NRCAM: variants seen among roughly 807,000 people sequenced by gnomAD.
The protein encoded by NRCAM is neuronal cell adhesion molecule.
A neutral mutation model predicts 156.5 loss-of-function variants in NRCAM; 83 were observed. That is an observed-to-expected ratio of 0.53 (90% CI 0.44 to 0.64). The LOEUF is 0.64. Ranked by LOEUF, NRCAM falls within the 30% of genes least tolerant of loss-of-function variation. NRCAM has a pLI of 0.00. For missense variants in NRCAM, 1,417 were observed against 1,597.3 expected (o/e 0.89, Z 1.92); for synonymous variants, 538 against 563.9 (o/e 0.95, Z 0.65).
chr7:108,203,943 C>T (rs1234730090), intron 13 of NRCAM, among the ~76,000 whole-genome samples: 4 of 152,178 alleles, frequency 2.6e-5, no homozygotes, highest in Non-Finnish European at 5.9e-5. Flanking sequence ...TGTGCTAATT[C>T]AGCCCTGTCA....
intron 1 of NRCAM, among the ~76,000 whole-genome samples, chr7:108,418,416 T>A (rs1297383219): frequency 6.6e-6 from 1 of 152,130 alleles, no homozygotes; most frequent in Non-Finnish European, 1.5e-5. Flanking sequence ...ACAAATGTTT[T>A]CCTGAAGAGC....
At chr7:108,185,745 A>AAC (rs1226103174) in intron 20 of NRCAM, among the ~76,000 whole-genome samples, 1 of 151,612 alleles carries the variant, frequency 6.6e-6, no homozygotes. Flanking sequence ...GAAAAAAAAA[A>AAC]AAAAAGAATA....
chr7:108,416,155 TAA>T (rs1313524142), intron 1 of NRCAM, among the ~76,000 whole-genome samples: 1 of 152,264 alleles, frequency 6.6e-6, no homozygotes, highest in Non-Finnish European at 1.5e-5. Flanking sequence ...TCAGCATGAC[TAA>T]GATATTCATC....
At chr7:108,253,147 C>T (rs1313314398) in intron 3 of NRCAM, among the ~76,000 whole-genome samples, 2 of 152,226 alleles carry the variant, frequency 1.3e-5, no homozygotes, top group African/African-American at 2.4e-5. Context: ...ATTTATTGGA[C>T]ACCCATGAAG....
intron 2 of NRCAM, among the ~76,000 whole-genome samples, chr7:108,353,184 T>G (rs893717823): frequency 6.6e-6 from 1 of 152,190 alleles, no homozygotes; most frequent in Non-Finnish European, 1.5e-5. Context: ...CTGCTTCCAG[T>G]GCTGTGTTGG....
chr7:108,436,169 C>T (rs1831956956), intron 1 of NRCAM, among the ~76,000 whole-genome samples: 1 of 152,218 alleles, frequency 6.6e-6, no homozygotes, highest in Non-Finnish European at 1.5e-5. Context: ...ATAATTCGCT[C>T]ACACACGTAT....
intron 1 of NRCAM, among the ~76,000 whole-genome samples, chr7:108,406,341 CGA>C (rs2099807508): frequency 6.6e-6 from 1 of 152,116 alleles, no homozygotes; most frequent in African/African-American, 2.4e-5. Context: ...ACAAAGAAAG[CGA>C]GTGAAGCTGC....
chr7:108,179,589 T>G (rs913264469), intron 25 of NRCAM, among the ~76,000 whole-genome samples: 3 of 152,198 alleles, frequency 2.0e-5, no homozygotes. Context: ...AAGGCTCCCT[T>G]GTCCCTGTGT....
chr7:108,200,871 G>C (rs2077632955), intron 13 of NRCAM, among the ~76,000 whole-genome samples: 1 of 151,908 alleles, frequency 6.6e-6, no homozygotes, highest in Admixed American at 6.6e-5. Context: ...TATTCTAAGT[G>C]AAGTAACTCA....
intron 2 of NRCAM, among the ~76,000 whole-genome samples, chr7:108,357,951 G>C (rs77150679): frequency 6.8e-6 from 1 of 146,360 alleles, no homozygotes; most frequent in African/African-American, 2.5e-5. Context: ...ATGGTAGGGA[G>C]GGTGGGGAAG....
intron 30 of NRCAM, among the ~76,000 whole-genome samples, chr7:108,166,707 G>A (rs532931788): frequency 1.8e-3 from 268 of 152,098 alleles, no homozygotes; most frequent in Non-Finnish European, 3.1e-3. Context: ...ATGGTTTTTG[G>A]TAATAATGTG....
intron 3 of NRCAM, among the ~76,000 whole-genome samples, chr7:108,285,436 A>C (rs2098056951): frequency 1.3e-5 from 2 of 152,250 alleles, no homozygotes; most frequent in Admixed American, 6.5e-5. Flanking sequence ...AAGCTTTACA[A>C]TAGTTTTCAA....
intron 17 of NRCAM, among the ~76,000 whole-genome samples, chr7:108,192,221 G>A (rs768741166): frequency 4.0e-5 from 6 of 151,898 alleles, no homozygotes; most frequent in African/African-American, 9.7e-5. Flanking sequence ...GGAATGGGGC[G>A]AGTGAAGCTG....
At chr7:108,151,536 G>A (rs2041647541) in intron 32 of NRCAM, among the ~76,000 whole-genome samples, 1 of 151,938 alleles carries the variant, frequency 6.6e-6, no homozygotes, top group Middle Eastern at 3.4e-3. Flanking sequence ...CTGAAGACTG[G>A]GAAATAATGC....
intron 2 of NRCAM, among the ~76,000 whole-genome samples, chr7:108,385,609 A>G (rs951307094): frequency 2.0e-5 from 3 of 152,194 alleles, no homozygotes; most frequent in African/African-American, 7.2e-5. Flanking sequence ...CCTACATGTT[A>G]GAACACAGAG....
chr7:108,276,286 C>G (rs1448500756), intron 3 of NRCAM, among the ~76,000 whole-genome samples: 8 of 152,108 alleles, frequency 5.3e-5, no homozygotes, highest in Non-Finnish European at 1.2e-4. Context: ...CCTGGATATC[C>G]TTGTTAATTT....
intron 13 of NRCAM, among the ~76,000 whole-genome samples, chr7:108,203,426 C>T (rs1228337679): frequency 7.0e-6 from 1 of 142,930 alleles, no homozygotes; most frequent in African/African-American, 2.6e-5. Flanking sequence ...AAAGCCCAGA[C>T]ACTTTTGGAG....
chr7:108,155,101 T>TATATATATACACACAC (rs1270777439), intron 32 of NRCAM, among the ~76,000 whole-genome samples: 43 of 123,106 alleles, frequency 3.5e-4, no homozygotes, highest in African/African-American at 1.3e-3. Context: ...TATATATATA[T>TATATATATACACACAC]ACACACACAC....
At chr7:108,271,900 C>T (rs2097367131) in intron 3 of NRCAM, among the ~76,000 whole-genome samples, 1 of 152,124 alleles carries the variant, frequency 6.6e-6, no homozygotes, top group South Asian at 2.1e-4. Context: ...CATAAACTAG[C>T]AAGCAAAATT....
Sources: allele counts gnomAD v4.1 joint callset (sites outside exome capture counted in the v4.1 genomes callset), GRCh38; gene constraint gnomAD v4.1.1; transcripts MANE v1.5; gene names NCBI Gene and HGNC (gene_info 2026-07-23, HGNC 2026-07-21).